The following COLGALT2 variants were observed in gnomAD, a reference collection of about 807,000 sequenced individuals.
COLGALT2 encodes the protein collagen beta(1-O)galactosyltransferase 2.
A neutral mutation model predicts 73.4 loss-of-function variants in COLGALT2; 49 were observed. The observed-to-expected ratio is 0.67, with a 90% CI of 0.53 to 0.85. The LOEUF (loss-of-function observed/expected upper bound fraction) is 0.85, where lower values mean the gene tolerates loss of function less well. COLGALT2 is among the 40% of genes least tolerant of loss of function. The pLI is 0.00. For synonymous variants in COLGALT2, 295 were observed against 307.6 expected (o/e 0.96, Z 0.43); for missense variants, 722 against 790.2 (o/e 0.91, Z 1.03).
intron 6 of COLGALT2, among the ~76,000 whole-genome samples, chr1:183,963,057 C>T (rs1670758902): frequency 6.6e-6 from 1 of 152,106 alleles, no homozygotes; most frequent in South Asian, 2.1e-4. Flanking sequence ...AACATCTTCC[C>T]CTAGGTTAGG....
At chr1:184,007,855 T>G (rs566564694) in intron 1 of COLGALT2, among the ~76,000 whole-genome samples, 2 of 152,332 alleles carry the variant, frequency 1.3e-5, no homozygotes, top group African/African-American at 4.8e-5. Context: ...TCTTTCTCAA[T>G]AAAAATCTCT....
At chr1:183,991,045 T>C (rs953375648) in intron 1 of COLGALT2, among the ~76,000 whole-genome samples, 7 of 152,260 alleles carry the variant, frequency 4.6e-5, no homozygotes, top group African/African-American at 1.7e-4. Context: ...TGGCCTATTT[T>C]ATTCAGTTCC....
At chr1:183,932,269 G>A (rs890856477), downstream of COLGALT2, among the ~76,000 whole-genome samples, 2 of 152,202 alleles carry the variant, frequency 1.3e-5, no homozygotes, top group East Asian at 1.9e-4. Context: ...CCTTAGGCAA[G>A]TTGCTTCCCT....
At chr1:184,016,145 A>C (rs535063971) in intron 1 of COLGALT2, among the ~76,000 whole-genome samples, 1 of 152,328 alleles carries the variant, frequency 6.6e-6, no homozygotes, top group East Asian at 1.9e-4. Flanking sequence ...TCAGAGTCAA[A>C]ATGATTTAGA....
chr1:183,945,264 C>G (rs1051103542), intron 9 of COLGALT2, among the ~76,000 whole-genome samples, 168 bp downstream of exon 9: 1 of 152,228 alleles, frequency 6.6e-6, no homozygotes, highest in African/African-American at 2.4e-5. Flanking sequence ...CTCCTTGCCC[C>G]TTTGTTGCTG....
chr1:183,949,145 G>A (rs1041860700), intron 8 of COLGALT2, among the ~76,000 whole-genome samples: 10 of 152,204 alleles, frequency 6.6e-5, no homozygotes, highest in African/African-American at 1.9e-4. Context: ...TTGTTAACAC[G>A]GAAATATTCT....
intron 10 of COLGALT2, among the ~76,000 whole-genome samples, chr1:183,942,495 A>G (rs1031933661): frequency 2.0e-4 from 31 of 152,238 alleles, no homozygotes; most frequent in African/African-American, 7.2e-4. Context: ...TAGAAAACTG[A>G]AAATGACATA....
rs1572623367 is a variant in COLGALT2 at position 183,936,166 on chromosome 1, G to T, written c.*2595C>A. 1 of 985,634 alleles carries T rather than the reference G, an allele frequency of 1.0e-6. No homozygotes were observed. The allele number at this position is 985,634 out of a possible 1,614,324, so 61.1% of individuals were successfully genotyped here. ...AGGCAGAGAGCGGGTGCCAGGCCCA[G>T]ATGCAAAGGCCTCTATACTGACGCC... On this transcript the variant is annotated 3_prime_UTR_variant, in exon 12 of 12. Coordinates refer to ENST00000361927, the MANE Select transcript of COLGALT2 (RefSeq NM_015101.4).
rs201381167 is a variant in COLGALT2 at position 183,969,418 on chromosome 1, C to G, written c.683G>C (p.Gly228Ala). The change falls in exon 5 of 12, where the codon GGC (glycine) becomes GCC (alanine). Residue 228 changes from glycine (G) to alanine (A), a missense_variant. Transcript: ENST00000361927. The stretch of plus-strand genomic sequence containing the variant: ...GTGGACCATGGGGACGGGGAAGCAG[C>G]CTGTCCTCTTCCATTCTCGAATCTG... ...YVQIREWKRT[G>A]CFPVPMVHST... The G allele has an allele frequency of 1.2e-4, 191 of 1,613,686 alleles. 1 individual carries two copies. The highest frequency in any genetic ancestry group is 1.7e-4 in the Admixed American group (10 of 59,980).
At position 184,025,941 on chromosome 1, in the gene COLGALT2, G is replaced by C. The variant is rs188040295; in HGVS notation, c.263+11154C>G. Among the ~76,000 whole-genome samples the C allele has an allele frequency of 2.6e-5, 4 of 152,304 alleles. No individual in the cohort carries two copies. The East Asian group carries it at 5.8e-4, about 22-fold the overall frequency. On this transcript the variant is annotated intron_variant, in intron 1 of 11. Transcript: ENST00000361927. ...AAGGACTCAGAGAACATCTCATCTA[G>C]AGATTTTTAAGCAAGACTGCATATT...
At chr1:183,965,739 T>G (rs932068000) in intron 5 of COLGALT2, among the ~76,000 whole-genome samples, 2 of 152,142 alleles carry the variant, frequency 1.3e-5, no homozygotes, top group African/African-American at 4.8e-5. Flanking sequence ...ATCATACTAG[T>G]AATAATAAAA....
At position 183,936,655 on chromosome 1, in the gene COLGALT2, T is replaced by C; in HGVS notation, c.*2106A>G. On this transcript the variant is annotated 3_prime_UTR_variant, in exon 12 of 12. Coordinates refer to ENST00000361927, the MANE Select transcript of COLGALT2 (RefSeq NM_015101.4). ...TCATGCACACATGCACACACTCAAA[T>C]ATGAAAACAAAAACCAGATACCCAA... is the stretch of plus-strand genomic sequence containing the variant. The C allele has an allele frequency of 8.2e-7, 1 of 1,222,346 alleles. No individual in the cohort carries two copies. The highest frequency in any genetic ancestry group is 1.6e-5 in the African/African-American group (1 of 64,308). The allele number at this position is 1,222,346 out of a possible 1,614,324, so 75.7% of individuals were successfully genotyped here.
At chr1:183,977,945 G>A (rs1173708055) in intron 2 of COLGALT2, among the ~76,000 whole-genome samples, 1 of 152,016 alleles carries the variant, frequency 6.6e-6, no homozygotes, top group Non-Finnish European at 1.5e-5. Flanking sequence ...ATCAGTAGGG[G>A]ATCAATTAAA....
chr1:184,037,075 C>T lies in COLGALT2; in HGVS notation c.263+20G>A, dbSNP rs1572693155. ...GCCCCCGCGTCCCGCCGCGGCGGCC[C>T]GGGGCCCGTGCGCGCTCACCAGATG... On this transcript the variant is annotated intron_variant, in intron 1 of 11. Coordinates refer to ENST00000361927, the MANE Select transcript of COLGALT2 (RefSeq NM_015101.4). The T allele has an allele frequency of 3.3e-6, 5 of 1,531,610 alleles. No homozygotes were observed. In the East Asian group the frequency reaches 8.2e-5, roughly 25 times the overall value. 94.9% of individuals were successfully genotyped at this position (1,531,610 alleles called of 1,614,324 possible). A position where few individuals can be genotyped will look rare whatever the true frequency, so the allele number is the denominator to read the frequency against.
chr1:183,995,996 CT>C (rs1671760150), intron 1 of COLGALT2, among the ~76,000 whole-genome samples: 1 of 152,176 alleles, frequency 6.6e-6, no homozygotes, highest in African/African-American at 2.4e-5. Context: ...CTTTTAAACT[CT>C]TTTACCTGAA....
In COLGALT2 at chr1:183,964,015, G is replaced by T; in HGVS notation, c.838C>A (p.Gln280Lys). 6.2e-7 allele frequency: 1 copy of T among 1,612,926 alleles called. No individual in the cohort carries two copies. Among genetic ancestry groups the T allele is most frequent in the Non-Finnish European group, 8.5e-7 (1 of 1,179,444 alleles). ...TGCTCTCTGTTGCAGAGGTACATCT[G>T]GATGCCTGAGGATCCAAGAGAGGGA... The part of the protein sequence containing the change: ...FAFSSRQAGI[Q>K]MYLCNREHYG... Residue 280 changes from glutamine to lysine, a missense_variant, in exon 6 of 12, where the codon CAG becomes AAG. Transcript: ENST00000361927.
chr1:183,950,821 G>A (rs1317919240), intron 8 of COLGALT2, among the ~76,000 whole-genome samples, 186 bp downstream of exon 8: 1 of 152,210 alleles, frequency 6.6e-6, no homozygotes, highest in Non-Finnish European at 1.5e-5. Context: ...TGGCTGGTGA[G>A]TGGATTTCAG....
intron 4 of COLGALT2, 109 bp downstream of exon 4, chr1:183,973,507 C>T: frequency 1.5e-6 from 2 of 1,374,200 alleles, no homozygotes; most frequent in South Asian, 2.5e-5. Flanking sequence ...AACACAATGA[C>T]ACGCATGTTT....
intron 4 of COLGALT2, among the ~76,000 whole-genome samples, chr1:183,970,241 T>C (rs537135629): frequency 6.6e-6 from 1 of 152,322 alleles, no homozygotes; most frequent in East Asian, 1.9e-4. Context: ...ATTCCAAAGC[T>C]TGAATCATTT....
Sources: gnomAD v4.1 joint callset for allele counts (sites outside exome capture counted in the v4.1 genomes callset) on GRCh38, gnomAD v4.1.1 for gene constraint, MANE v1.5 for transcripts, NCBI Gene and HGNC (gene_info 2026-07-23, HGNC 2026-07-21) for gene names.